Variants in PHF1 observed in about 807,000 individuals in gnomAD.
PHF1 encodes the protein polycomb-like 1.
A neutral mutation model predicts 69.4 loss-of-function variants in PHF1; 16 were observed. The observed-to-expected ratio is 0.23, with a 90% CI of 0.16 to 0.35. The LOEUF (loss-of-function observed/expected upper bound fraction) is 0.35, where lower values mean the gene tolerates loss of function less well. PHF1 is among the 10% of genes least tolerant of loss of function. The pLI is 1.00. For missense variants in PHF1, 515 were observed against 732.8 expected (o/e 0.70, Z 3.43); for synonymous variants, 274 against 275.0 (o/e 1.00, Z 0.04).
At chr6:33,411,707 G>T (rs1232918308) in intron 1 of PHF1, among the ~76,000 whole-genome samples, 5 of 152,252 alleles carry the variant, frequency 3.3e-5, no homozygotes, top group Admixed American at 1.3e-4. Context: ...TTTGGGGTCG[G>T]GGGGAGGGCT....
Position 33,416,359 on chromosome 6 carries a change from C to A in PHF1, c.*261C>A. 6.4e-6 allele frequency: 3 copies of A among 470,618 alleles called. No individual in the cohort carries two copies. The highest frequency in any genetic ancestry group is 3.1e-5 in the East Asian group (1 of 31,888). The allele number at this position is 470,618 out of a possible 1,614,324, so 29.2% of individuals were successfully genotyped here. A position where few individuals can be genotyped will look rare whatever the true frequency, so the allele number is the denominator to read the frequency against. ...TTAAATATTTTTTAAAATTATTTAA[C>A]CCCTGGGGGCAGAGACTGAGGAGGG... is the stretch of plus-strand genomic sequence containing the variant. On this transcript the variant is annotated 3_prime_UTR_variant, in exon 15 of 15. Coordinates refer to ENST00000374516, the MANE Select transcript of PHF1 (RefSeq NM_024165.3).
At chr6:33,413,650 C>G (rs1039479074) in intron 6 of PHF1, 86 bp from the exon 7 acceptor site, 25 of 1,598,352 alleles carry the variant, frequency 1.6e-5, no homozygotes, top group Non-Finnish European at 2.0e-5. Flanking sequence ...GGGTAGCACT[C>G]AGGGGGATAG....
rs758154389 is a variant in PHF1, at chr6:33,415,039, G to A, written c.1134G>A (p.Arg378=). ...RRRPEPEPLR[R]RQKGKVEELG... Reference sequence around the variant, plus strand: ...GGCCGGAGCCAGAGCCCCTGAGGAGGAGGCAGAAGGGGAAAGTGGAGGAGC... The same window carrying A: ...GGCCGGAGCCAGAGCCCCTGAGGAGAAGGCAGAAGGGGAAAGTGGAGGAGC... The change falls in exon 12 of 15, where the codon AGG becomes AGA. Residue 378 remains arginine (R), a synonymous_variant. Transcript: ENST00000374516. 1.9e-6 allele frequency: 3 copies of A among 1,592,640 alleles called. No individual in the cohort carries two copies. Among genetic ancestry groups the A allele is most frequent in the Non-Finnish European group, 2.6e-6 (3 of 1,169,996 alleles).
Position 33,412,308 on chromosome 6 carries a change from T to G in PHF1, c.45T>G (p.Leu15=). ...PRLSRSGASS[L]WDPASPAPTS... is the part of the protein sequence containing the mutation. ...TGAGCCGCTCTGGTGCCTCCTCACT[T>G]TGGGACCCAGCTTCTCCTGCTCCCA... Residue 15 remains leucine, a synonymous_variant, in exon 2 of 15, where the codon CTT becomes CTG. Coordinates refer to ENST00000374516, the MANE Select transcript of PHF1 (RefSeq NM_024165.3). This position sits in a 1 kb window ranked among gnomAD's most constrained non-coding sequence, Gnocchi z 4.2. 1 of 1,614,182 alleles carries G rather than the reference T, an allele frequency of 6.2e-7. No individual in the cohort carries two copies. The highest frequency in any genetic ancestry group is 8.5e-7 in the Non-Finnish European group (1 of 1,180,030).
chr6:33,413,337 CA>C (rs1562852740), intron 5 of PHF1, 41 bp downstream of exon 5: 13 of 1,610,690 alleles, frequency 8.1e-6, no homozygotes, highest in Non-Finnish European at 1.1e-5. Flanking sequence ...GGGAGCCTCC[CA>C]TCCACAGCCT....
Position 33,413,197 on chromosome 6 carries a change from T to A in PHF1, c.339T>A (p.Ala113=). Residue 113 remains alanine (A), a splice_region_variant and synonymous_variant, in exon 5 of 15, where the codon GCT becomes GCA. Transcript: ENST00000374516. The part of the protein sequence containing the change: ...RLVSCEKCRH[A]YHQDCHVPRA... ...AGTGGTCTACTATTATCACTGCAGC[T>A]TATCACCAGGACTGCCATGTTCCCA... The A allele has an allele frequency of 6.2e-7, 1 of 1,613,660 alleles. No homozygotes were observed. The highest frequency in any genetic ancestry group is 8.5e-7 in the Non-Finnish European group (1 of 1,179,624).
In PHF1 at chr6:33,414,444, TC is replaced by T. The variant is rs1215126412; in HGVS notation, c.877-29del. 6.2e-7 allele frequency: 1 copy of T among 1,613,504 alleles called. No individual in the cohort carries two copies. The highest frequency in any genetic ancestry group is 8.5e-7 in the Non-Finnish European group (1 of 1,179,542). ...AAAGGGGAAGAGAAGAAATCACTGC[TC>T]CCCTGGCCCCATTTTTCTTCATTTC... On this transcript the variant is annotated intron_variant, in intron 9 of 14. Transcript: ENST00000374516. The surrounding 1 kb of genome is among the most constrained non-coding windows in gnomAD (Gnocchi z 5.0).
Position 33,411,229 on chromosome 6 carries a change from A to T in PHF1, c.-17+14A>T, listed in dbSNP as rs1374196439. On this transcript the variant is annotated intron_variant, in intron 1 of 14. Coordinates refer to ENST00000374516, the MANE Select transcript of PHF1 (RefSeq NM_024165.3). Reference sequence around the variant, plus strand: ...CAGCTGTCACCGGTAAGGAGGCGGCAGGAGGCGCTGGTGGGGGGCAGGGAG... The same window carrying T: ...CAGCTGTCACCGGTAAGGAGGCGGCTGGAGGCGCTGGTGGGGGGCAGGGAG... The T allele has an allele frequency of 6.6e-6, 1 of 152,158 alleles. No homozygotes were observed. Among genetic ancestry groups the T allele is most frequent in the Non-Finnish European group, 1.5e-5 (1 of 68,046 alleles). The allele number at this position is 152,158 out of a possible 1,614,324, so 9.4% of individuals were successfully genotyped here.
chr6:33,413,342 A>C, intron 5 of PHF1, 46 bp downstream of exon 5: 1 of 1,611,144 alleles, frequency 6.2e-7, no homozygotes. Context: ...CCTCCCATCC[A>C]CAGCCTCTCC....
chr6:33,413,915 C>T (rs989058311), intron 7 of PHF1, 84 bp downstream of exon 7: 1 of 1,525,822 alleles, frequency 6.6e-7, no homozygotes. Flanking sequence ...CCCTTCTCCA[C>T]TCCAGTCTCT....
rs373333588 is a variant in PHF1, at chr6:33,415,317, G to A, written c.1322G>A (p.Arg441His). 10 of 1,612,364 alleles carry A rather than the reference G, an allele frequency of 6.2e-6. No homozygotes were observed. The African/African-American group carries it at 6.7e-5, about 11-fold the overall frequency. ...TACAACTTCCGGCCCACAGATGCCC[G>A]CTGCCTGCCCAGGTCAGTGCTCCTC... Reference protein sequence around the residue: ...SGYNFRPTDARCLPSSPIRMF... With the variant: ...SGYNFRPTDAHCLPSSPIRMF... Residue 441 changes from arginine (R) to histidine (H), a missense_variant, in exon 13 of 15, where the codon CGC becomes CAC. This residue lies in a region of PHF1 where 274 missense variants were observed against 304.5 expected (regional missense o/e 0.90). Transcript: ENST00000374516.
Position 33,412,407 on chromosome 6 carries a change from G to A in PHF1, c.144G>A (p.Leu48=). The A allele has an allele frequency of 6.2e-7, 1 of 1,614,192 alleles. No individual in the cohort carries two copies. Among genetic ancestry groups the A allele is most frequent in the East Asian group, 2.2e-5 (1 of 44,880 alleles). The change falls in exon 2 of 15, where the codon TTG becomes TTA. Residue 48 remains leucine, a synonymous_variant. Coordinates refer to ENST00000374516, the MANE Select transcript of PHF1 (RefSeq NM_024165.3). The surrounding 1 kb of genome is among the most constrained non-coding windows in gnomAD (Gnocchi z 4.2). ...GATGGACTGATGGGCTGCTATACTT[G>A]GGTACCATCAAAAAGGTAAGACCTT... is the stretch of plus-strand genomic sequence containing the variant. ...LARWTDGLLY[L]GTIKKVDSAR... is the part of the protein sequence containing the mutation.
rs750089367 is a variant in PHF1 at position 33,416,010 on chromosome 6, G to A, written c.1616G>A (p.Gly539Glu). Reference protein sequence around the residue: ...VRGGVGYLSRGDPVRVLARRV... With the variant: ...VRGGVGYLSREDPVRVLARRV... ...GGTGGGGTTGGTTACCTGTCCCGAG[G>A]GGACCCTGTCCGGGTCCTTGCTCGG... is the stretch of plus-strand genomic sequence containing the variant. Residue 539 changes from glycine (G) to glutamate (E), a missense_variant, in exon 15 of 15, where the codon GGG (glycine) becomes GAG (glutamate). Gly to Glu is a moderately conservative substitution (Grantham distance 98, BLOSUM62 -2). This residue lies in a region of PHF1 where 274 missense variants were observed against 304.5 expected (regional missense o/e 0.90). Transcript: ENST00000374516. 6.2e-7 allele frequency: 1 copy of A among 1,613,558 alleles called. No individual in the cohort carries two copies. The highest frequency in any genetic ancestry group is 1.3e-5 in the African/African-American group (1 of 74,922).
At position 33,415,579 on chromosome 6, in the gene PHF1, T is replaced by TC. The variant is rs1380560052; in HGVS notation, c.1335-9dup. The TC allele has an allele frequency of 6.2e-7, 1 of 1,613,824 alleles. No individual in the cohort carries two copies. Among genetic ancestry groups the TC allele is most frequent in the South Asian group, 1.1e-5 (1 of 91,078 alleles). On this transcript the variant is annotated splice_polypyrimidine_tract_variant and intron_variant, in intron 13 of 14. Transcript: ENST00000374516. Reference sequence around the variant, plus strand: ...TGCTTCAGGTCCTGACTTTCCCCACTCCAACCCCAGCAGCCCCATCCGGAT... The same window carrying TC: ...TGCTTCAGGTCCTGACTTTCCCCACTCCCAACCCCAGCAGCCCCATCCGGAT...
At position 33,414,667 on chromosome 6, in the gene PHF1, G is replaced by A. The variant is rs548473658; in HGVS notation, c.945-58G>A. 154 of 1,558,728 alleles carry A rather than the reference G, an allele frequency of 9.9e-5. 2 individuals carry two copies. The South Asian group carries it at 1.5e-3, about 15-fold the overall frequency. ...TGACTGAAAAGGATTGAGGAATGGC[G>A]TAAGGAGGAACCGTTTTTTACAGCA... On this transcript the variant is annotated intron_variant, in intron 10 of 14. Transcript: ENST00000374516. This position sits in a 1 kb window ranked among gnomAD's most constrained non-coding sequence, Gnocchi z 5.0.
intron 13 of PHF1, 112 bp downstream of exon 13, chr6:33,415,441 G>A (rs1322420371): frequency 8.2e-7 from 1 of 1,223,264 alleles, no homozygotes; most frequent in African/African-American, 1.5e-5. Context: ...CCACTTCTTG[G>A]CCTAGACCGA....
chr6:33,414,680 G>GT lies in PHF1; in HGVS notation c.945-39dup. 6.3e-7 allele frequency: 1 copy of GT among 1,579,544 alleles called. No homozygotes were observed. The highest frequency in any genetic ancestry group is 8.7e-7 in the Non-Finnish European group (1 of 1,150,796). On this transcript the variant is annotated intron_variant, in intron 10 of 14. Coordinates refer to ENST00000374516, the MANE Select transcript of PHF1 (RefSeq NM_024165.3). The surrounding 1 kb of genome is among the most constrained non-coding windows in gnomAD (Gnocchi z 5.0). ...TTGAGGAATGGCGTAAGGAGGAACCGTTTTTTACAGCACTGACCCTATATC... is the reference window on the plus strand; with the variant it reads ...TTGAGGAATGGCGTAAGGAGGAACCGTTTTTTTACAGCACTGACCCTATATC...
Position 33,413,389 on chromosome 6 carries a change from C to T in PHF1, c.439-20C>T. On this transcript the variant is annotated intron_variant, in intron 5 of 14. Coordinates refer to ENST00000374516, the MANE Select transcript of PHF1 (RefSeq NM_024165.3). ...CTCTCCCCACCCCTCTGAAGCCACCCACCTGTCCTGTCTCTGCAGAGGGGA... is the reference window on the plus strand; with the variant it reads ...CTCTCCCCACCCCTCTGAAGCCACCTACCTGTCCTGTCTCTGCAGAGGGGA... 6.2e-7 allele frequency: 1 copy of T among 1,613,950 alleles called. No homozygotes were observed. The highest frequency in any genetic ancestry group is 8.5e-7 in the Non-Finnish European group (1 of 1,179,880).
In PHF1 at chr6:33,414,712, C is replaced by G. The variant is rs1562855365; in HGVS notation, c.945-13C>G. ...ACAGCACTGACCCTATATCATTTCTCTTCTTGCCCCAGTTTCATTTCAGGG... is the reference window on the plus strand; with the variant it reads ...ACAGCACTGACCCTATATCATTTCTGTTCTTGCCCCAGTTTCATTTCAGGG... On this transcript the variant is annotated splice_polypyrimidine_tract_variant and intron_variant, in intron 10 of 14. Coordinates refer to ENST00000374516, the MANE Select transcript of PHF1 (RefSeq NM_024165.3). This position sits in a 1 kb window ranked among gnomAD's most constrained non-coding sequence, Gnocchi z 5.0. 10 of 1,607,760 alleles carry G rather than the reference C, an allele frequency of 6.2e-6. No homozygotes were observed. Among genetic ancestry groups the G allele is most frequent in the African/African-American group, 1.3e-5 (1 of 74,752 alleles).
Sources: allele counts gnomAD v4.1 joint callset (sites outside exome capture counted in the v4.1 genomes callset), GRCh38; gene constraint gnomAD v4.1.1; regional missense constraint gnomAD v4.1.1; non-coding constraint Gnocchi (gnomAD v3.1); transcripts MANE v1.5; gene names NCBI Gene and HGNC (gene_info 2026-07-23, HGNC 2026-07-21).